CYLC2: variants seen among roughly 807,000 people sequenced by gnomAD.
CYLC2 encodes cylicin 2.
CYLC2 carries 30 observed loss-of-function variants against 26.1 expected under a neutral mutation model. The observed-to-expected ratio is 1.15, with a 90% CI of 0.86 to 1.56. The LOEUF (loss-of-function observed/expected upper bound fraction) is 1.56. Among genes scored for constraint, CYLC2 ranks in the 40% most tolerant of loss-of-function variants. The probability of loss-of-function intolerance (pLI) is 0.00; values close to 1 mark genes in which losing one functional copy is unlikely to be tolerated. For synonymous variants in CYLC2, 158 were observed against 132.8 expected (o/e 1.19, Z -1.31); for missense variants, 498 against 394.4 (o/e 1.26, Z -2.23).
chr9:103,016,446 A>G (rs1829507432), intron 6 of CYLC2, among the ~76,000 whole-genome samples: 1 of 152,088 alleles, frequency 6.6e-6, no homozygotes, highest in Non-Finnish European at 1.5e-5. Flanking sequence ...CAGGATTTTA[A>G]TAAATTATAA....
At chr9:103,010,983 A>G (rs139752979) in intron 5 of CYLC2, among the ~76,000 whole-genome samples, 2 of 152,210 alleles carry the variant, frequency 1.3e-5, no homozygotes, top group East Asian at 3.9e-4. Flanking sequence ...ATGGAAGAAT[A>G]CTAGTGTATG....
chr9:102,998,444 G>T (rs1587849708), intron 1 of CYLC2, among the ~76,000 whole-genome samples: 1 of 151,860 alleles, frequency 6.6e-6, no homozygotes, highest in Non-Finnish European at 1.5e-5. Context: ...GAATGCAAAT[G>T]CACCCTGACC....
At chr9:103,013,383 T>G (rs1390604318) in intron 6 of CYLC2, among the ~76,000 whole-genome samples, 1 of 67,694 alleles carries the variant, frequency 1.5e-5, no homozygotes, top group Non-Finnish European at 2.4e-5. Context: ...ATATATTATA[T>G]AAATATATAT....
intron 1 of CYLC2, among the ~76,000 whole-genome samples, chr9:103,001,342 C>T (rs28708763): frequency 0.062 from 9,326 of 151,214 alleles, 338 homozygotes; most frequent in South Asian, 0.11. Flanking sequence ...ATATGTGATA[C>T]ATGTATGTAT....
intron 7 of CYLC2, among the ~76,000 whole-genome samples, chr9:103,017,377 G>T (rs552658794): frequency 1.3e-5 from 2 of 152,098 alleles, no homozygotes; most frequent in South Asian, 2.1e-4. Flanking sequence ...AATGTTGAAA[G>T]TTTGAAACTT....
At chr9:103,013,063 T>C (rs1208637329) in intron 6 of CYLC2, among the ~76,000 whole-genome samples, 6 of 145,298 alleles carry the variant, frequency 4.1e-5, no homozygotes, top group Non-Finnish European at 6.0e-5. Flanking sequence ...TAAAAACTAA[T>C]TGTATATGTA....
At chr9:102,999,984 C>T (rs1829272231) in intron 1 of CYLC2, among the ~76,000 whole-genome samples, 1 of 151,772 alleles carries the variant, frequency 6.6e-6, no homozygotes, top group Non-Finnish European at 1.5e-5. Flanking sequence ...TGAGTTGAAA[C>T]ATACTTACTC....
intron 1 of CYLC2, among the ~76,000 whole-genome samples, chr9:103,000,580 G>A (rs1430941422): frequency 6.6e-6 from 1 of 151,944 alleles, no homozygotes; most frequent in Non-Finnish European, 1.5e-5. Context: ...TAACTTATTG[G>A]TGAAAACATA....
rs1417226084 is a variant in CYLC2 at position 103,005,912 on chromosome 9, T to C, written c.*234T>C. The C allele has an allele frequency of 2.2e-6, 1 of 462,050 alleles. No individual in the cohort carries two copies. The highest frequency in any genetic ancestry group is 3.8e-6 in the Non-Finnish European group (1 of 264,154). The allele number at this position is 462,050 out of a possible 1,614,324, so 28.6% of individuals were successfully genotyped here. ...TCCATTGAAAGACTTGAAGAATACA[T>C]ATACTTATATTCGGGGATATGAAGG... On this transcript the variant is annotated 3_prime_UTR_variant, in exon 5 of 8. Coordinates refer to ENST00000374798, the MANE Select transcript of CYLC2 (RefSeq NM_001340.5).
chr9:103,016,393 GGAAGAT>G (rs1262325737), intron 6 of CYLC2, among the ~76,000 whole-genome samples: 1 of 151,956 alleles, frequency 6.6e-6, no homozygotes, highest in African/African-American at 2.4e-5. Flanking sequence ...ACATTGCCAT[GGAAGAT>G]CTATGCCTGC....
At chr9:103,013,200 TTAA>T (rs1198004074) in intron 6 of CYLC2, among the ~76,000 whole-genome samples, 2 of 29,540 alleles carry the variant, frequency 6.8e-5, no homozygotes, top group African/African-American at 1.1e-4. Context: ...ATATAACATA[TTAA>T]TGTTATATAT....
At chr9:102,996,743 C>G (rs1240853573) in intron 1 of CYLC2, among the ~76,000 whole-genome samples, 1 of 151,956 alleles carries the variant, frequency 6.6e-6, no homozygotes, top group Non-Finnish European at 1.5e-5. Context: ...TGGCTATCAA[C>G]TTGTATGTGA....
chr9:103,017,176 A>T (rs1357338683), intron 7 of CYLC2, among the ~76,000 whole-genome samples: 1 of 151,964 alleles, frequency 6.6e-6, no homozygotes, highest in Non-Finnish European at 1.5e-5. Context: ...AGTAAAGAGG[A>T]GAATGGGATT....
chr9:103,003,356 A>C, intron 3 of CYLC2, 93 bp downstream of exon 3: 1 of 1,129,832 alleles, frequency 8.9e-7, no homozygotes. Context: ...AGTCTTAAGT[A>C]ATCACTAAGT....
intron 6 of CYLC2, among the ~76,000 whole-genome samples, chr9:103,016,034 G>A (rs1163782426): frequency 4.0e-5 from 6 of 151,050 alleles, no homozygotes; most frequent in Non-Finnish European, 7.4e-5. Flanking sequence ...GATTTTGATA[G>A]ATAATTGGTA....
chr9:103,012,719 T>C (rs1829420411), intron 6 of CYLC2, among the ~76,000 whole-genome samples: 1 of 151,948 alleles, frequency 6.6e-6, no homozygotes, highest in Non-Finnish European at 1.5e-5. Context: ...AGAAACGTAC[T>C]CCAGGTGTTA....
intron 6 of CYLC2, among the ~76,000 whole-genome samples, chr9:103,015,284 A>G (rs1475297619): frequency 1.2e-5 from 1 of 81,356 alleles, no homozygotes; most frequent in African/African-American, 3.5e-5. Flanking sequence ...TATATATTAT[A>G]TAATATAATT....
At chr9:103,010,836 A>T (rs912243848) in intron 5 of CYLC2, 1 of 152,086 alleles carries the variant, frequency 6.6e-6, no homozygotes, top group South Asian at 2.1e-4. Flanking sequence ...AGTAGTTTAC[A>T]TTAGTTGTAT....
Position 103,004,807 on chromosome 9 carries a change from C to G in CYLC2, c.293C>G (p.Pro98Arg). 6.2e-7 allele frequency: 1 copy of G among 1,612,690 alleles called. No homozygotes were observed. The highest frequency in any genetic ancestry group is 2.2e-5 in the East Asian group (1 of 44,812). ...PSVYLAARRQPLKPTRTVEVD... is the reference protein window; with the variant it reads ...PSVYLAARRQRLKPTRTVEVD... ...GTTTATTTAGCTGCCAGGAGGCAGC[C>G]TCTCAAACCAACTCGTACTGTCGAG... Residue 98 changes from proline to arginine, a missense_variant, in exon 4 of 8, where the codon CCT becomes CGT. Pro to Arg is a moderately radical substitution (Grantham distance 103). Coordinates refer to ENST00000374798, the MANE Select transcript of CYLC2 (RefSeq NM_001340.5).
Sources: gnomAD v4.1 joint callset for allele counts (sites outside exome capture counted in the v4.1 genomes callset) on GRCh38, gnomAD v4.1.1 for gene constraint, MANE v1.5 for transcripts, NCBI Gene and HGNC (gene_info 2026-07-23, HGNC 2026-07-21) for gene names.